Variants in SLIT2 observed in about 807,000 individuals in gnomAD.
SLIT2 encodes slit guidance ligand 2.
Under a neutral mutation model 185.7 loss-of-function variants are expected in SLIT2, and 41 were observed. The ratio of observed to expected loss-of-function variants is 0.22; its 90% confidence interval spans 0.17 to 0.29. SLIT2 has a LOEUF of 0.29. Ranked by LOEUF, SLIT2 falls within the 10% of genes least tolerant of loss-of-function variation. SLIT2 has a pLI of 1.00. For synonymous variants in SLIT2, 693 were observed against 680.2 expected (o/e 1.02, Z -0.29); for missense variants, 1,571 against 1,909.0 (o/e 0.82, Z 3.30).
intron 4 of SLIT2, among the ~76,000 whole-genome samples, chr4:20,460,476 G>T (rs757654550): frequency 6.6e-6 from 1 of 152,076 alleles, no homozygotes; most frequent in Non-Finnish European, 1.5e-5. Flanking sequence ...CATCATTTCT[G>T]TACTGAGAAC....
At position 20,394,285 on chromosome 4, in the gene SLIT2, G is replaced by A. The variant is rs181042456; in HGVS notation, c.396-73467G>A. Among the ~76,000 whole-genome samples, 29 of 152,008 alleles carry A rather than the reference G, an allele frequency of 1.9e-4. No individual in the cohort carries two copies. In the East Asian group the frequency reaches 5.0e-3, roughly 26 times the overall value. ...GAAAATTGGTATCGCATAAGCTTAC[G>A]TGGTATCATTTTGTCGTTTAAAAAA... is the stretch of plus-strand genomic sequence containing the variant. On this transcript the variant is annotated intron_variant, in intron 4 of 36. Coordinates refer to ENST00000504154, the MANE Select transcript of SLIT2 (RefSeq NM_004787.4).
chr4:20,307,137 TCCC>T (rs1717631125), intron 4 of SLIT2, among the ~76,000 whole-genome samples: 1 of 26,112 alleles, frequency 3.8e-5, no homozygotes, highest in Admixed American at 5.4e-4. Context: ...CCTCCCTTCC[TCCC>T]TCCCTCCCTC....
intron 4 of SLIT2, among the ~76,000 whole-genome samples, chr4:20,322,389 C>A (rs1719172571): frequency 6.6e-6 from 1 of 152,048 alleles, no homozygotes; most frequent in Non-Finnish European, 1.5e-5. Flanking sequence ...AGAAGAGGGA[C>A]AACTCGAAGT....
At position 20,376,502 on chromosome 4, in the gene SLIT2, G is replaced by T. The variant is rs531266817; in HGVS notation, c.396-91250G>T. Reference sequence around the variant, plus strand: ...CAAAAATTCAACTTGACTTTTAATGGTGCAATGATGCCGAAATCCCCCTGT... The same window carrying T: ...CAAAAATTCAACTTGACTTTTAATGTTGCAATGATGCCGAAATCCCCCTGT... On this transcript the variant is annotated intron_variant, in intron 4 of 36. Coordinates refer to ENST00000504154, the MANE Select transcript of SLIT2 (RefSeq NM_004787.4). 5.7e-4 allele frequency among the ~76,000 whole-genome samples: 87 copies of T among 151,964 alleles called. No homozygotes were observed. In the South Asian group the frequency reaches 0.015, roughly 25 times the overall value.
chr4:20,460,476 G>A (rs757654550), intron 4 of SLIT2, among the ~76,000 whole-genome samples: 5 of 152,076 alleles, frequency 3.3e-5, no homozygotes, highest in Non-Finnish European at 5.9e-5. Flanking sequence ...CATCATTTCT[G>A]TACTGAGAAC....
At position 20,261,753 on chromosome 4, in the gene SLIT2, T is replaced by C. The variant is rs1712499743; in HGVS notation, c.323+3814T>C. Among the ~76,000 whole-genome samples, 4 of 151,902 alleles carry C rather than the reference T, an allele frequency of 2.6e-5. No individual in the cohort carries two copies. In the South Asian group the frequency reaches 8.3e-4, roughly 31 times the overall value. The stretch of plus-strand genomic sequence containing the variant: ...TGCATATATGCCTAGGTTATGTTGG[T>C]AAGAATCAGTAGCATACTGTGAAAA... On this transcript the variant is annotated intron_variant, in intron 3 of 36. Transcript: ENST00000504154.
chr4:20,499,818 A>G (rs1577793168), intron 9 of SLIT2, among the ~76,000 whole-genome samples: 1 of 152,134 alleles, frequency 6.6e-6, no homozygotes, highest in East Asian at 1.9e-4. Context: ...AAAGATATGC[A>G]AGTTAGATTT....
intron 4 of SLIT2, among the ~76,000 whole-genome samples, chr4:20,357,476 A>G (rs1024051976): frequency 2.6e-5 from 4 of 152,126 alleles, no homozygotes; most frequent in Non-Finnish European, 5.9e-5. Flanking sequence ...CAGTTAGTTC[A>G]AGTTTCTAAT....
intron 4 of SLIT2, among the ~76,000 whole-genome samples, chr4:20,315,637 G>T (rs566275144): frequency 6.6e-6 from 1 of 152,010 alleles, no homozygotes; most frequent in Admixed American, 6.5e-5. Context: ...AAAATTATCA[G>T]AAAGGAAAAA....
intron 4 of SLIT2, among the ~76,000 whole-genome samples, chr4:20,339,754 A>G (rs1476329698): frequency 6.6e-6 from 1 of 152,150 alleles, no homozygotes; most frequent in Non-Finnish European, 1.5e-5. Flanking sequence ...AGACTCTCCT[A>G]TGGTCTTGGA....
At chr4:20,475,139 G>C (rs1028294907) in intron 5 of SLIT2, among the ~76,000 whole-genome samples, 1 of 152,000 alleles carries the variant, frequency 6.6e-6, no homozygotes, top group African/African-American at 2.4e-5. Context: ...CCTTCAATCT[G>C]TACAGAAGCT....
At position 20,369,212 on chromosome 4, in the gene SLIT2, G is replaced by T. The variant is rs533471914; in HGVS notation, c.396-98540G>T. On this transcript the variant is annotated intron_variant, in intron 4 of 36. Coordinates refer to ENST00000504154, the MANE Select transcript of SLIT2 (RefSeq NM_004787.4). ...AGAGGAAGTTCCTTCTGGTTTGTGTGCTGTCTCTGTCCTCATTGATGTCCT... is the reference window on the plus strand; with the variant it reads ...AGAGGAAGTTCCTTCTGGTTTGTGTTCTGTCTCTGTCCTCATTGATGTCCT... Among the ~76,000 whole-genome samples, 87 of 152,156 alleles carry T rather than the reference G, an allele frequency of 5.7e-4. No homozygotes were observed. The South Asian group carries it at 0.015, about 25-fold the overall frequency.
intron 4 of SLIT2, among the ~76,000 whole-genome samples, chr4:20,377,425 G>A (rs1724115421): frequency 6.6e-6 from 1 of 151,996 alleles, no homozygotes; most frequent in African/African-American, 2.4e-5. Context: ...TAAAATGGGA[G>A]GTATTATCAG....
At chr4:20,560,798 G>T (rs765794757) in intron 26 of SLIT2, among the ~76,000 whole-genome samples, 2 of 151,848 alleles carry the variant, frequency 1.3e-5, no homozygotes, top group Non-Finnish European at 2.9e-5. Context: ...GACTCATGGA[G>T]ATGAATGATA....
At chr4:20,437,907 T>C (rs1577658328) in intron 4 of SLIT2, among the ~76,000 whole-genome samples, 3 of 95,688 alleles carry the variant, frequency 3.1e-5, no homozygotes, top group Admixed American at 1.5e-4. Context: ...AGAGCGAGAC[T>C]CCGTCTCAAA....
intron 5 of SLIT2, among the ~76,000 whole-genome samples, chr4:20,479,055 A>G (rs1716422378): frequency 6.6e-6 from 1 of 152,184 alleles, no homozygotes; most frequent in Non-Finnish European, 1.5e-5. Context: ...GATTTGGGGA[A>G]AACTTTAGTT....
chr4:20,472,264 A>C (rs868268464), intron 5 of SLIT2, among the ~76,000 whole-genome samples: 7 of 53,522 alleles, frequency 1.3e-4, no homozygotes, highest in South Asian at 8.0e-4. Context: ...AGATCTATAT[A>C]TAGATATATA....
intron 15 of SLIT2, among the ~76,000 whole-genome samples, chr4:20,527,624 G>A (rs1721413222): frequency 6.6e-6 from 1 of 152,064 alleles, no homozygotes; most frequent in South Asian, 2.1e-4. Context: ...AACTTAATTT[G>A]CACTATGCAT....
chr4:20,369,976 A>G lies in SLIT2; in HGVS notation c.396-97776A>G, dbSNP rs1004649595. ...ACTTTCCTTACGTGAATGATTCTTG[A>G]AGTGTTTTCTGTACCAGCAATTCTG... On this transcript the variant is annotated intron_variant, in intron 4 of 36. Coordinates refer to ENST00000504154, the MANE Select transcript of SLIT2 (RefSeq NM_004787.4). Among the ~76,000 whole-genome samples, 23 of 152,178 alleles carry G rather than the reference A, an allele frequency of 1.5e-4. No individual in the cohort carries two copies. The South Asian group carries it at 4.8e-3, about 32-fold the overall frequency.
Sources: gnomAD v4.1 joint callset for allele counts (sites outside exome capture counted in the v4.1 genomes callset) on GRCh38, gnomAD v4.1.1 for gene constraint, MANE v1.5 for transcripts, NCBI Gene and HGNC (gene_info 2026-07-23, HGNC 2026-07-21) for gene names.